DHRS11: variants seen among roughly 807,000 people sequenced by gnomAD.
DHRS11 encodes dehydrogenase/reductase 11.
Under a neutral mutation model 30.7 loss-of-function variants are expected in DHRS11, and 18 were observed. The observed-to-expected ratio is 0.59, with a 90% CI of 0.41 to 0.87. The LOEUF (loss-of-function observed/expected upper bound fraction) is 0.87, where lower values mean the gene tolerates loss of function less well. Among genes scored for constraint, DHRS11 ranks in the 40% least tolerant of loss-of-function variants. DHRS11 has a pLI of 0.00. For synonymous variants in DHRS11, 123 were observed against 139.6 expected (o/e 0.88, Z 0.84); for missense variants, 300 against 349.0 (o/e 0.86, Z 1.12).
At position 36,600,575 on chromosome 17, in the gene DHRS11, CT is replaced by C; in HGVS notation, c.*374del. 1 of 407,350 alleles carries C rather than the reference CT, an allele frequency of 2.5e-6. No homozygotes were observed. Among genetic ancestry groups the C allele is most frequent in the Non-Finnish European group, 4.5e-6 (1 of 220,870 alleles). 25.2% of individuals were successfully genotyped at this position (407,350 alleles called of 1,614,324 possible). A position where few individuals can be genotyped will look rare whatever the true frequency, so the allele number is the denominator to read the frequency against. On this transcript the variant is annotated 3_prime_UTR_variant, in exon 7 of 7. Coordinates refer to ENST00000618403, the MANE Select transcript of DHRS11 (RefSeq NM_024308.4). Reference sequence around the variant, plus strand: ...CAGGGCTGGGGTGGCAGAGGGAGGCCTTCACCTTATATCTGTGTTGTTATCC... The same window carrying C: ...CAGGGCTGGGGTGGCAGAGGGAGGCCTCACCTTATATCTGTGTTGTTATCC...
In DHRS11 at chr17:36,592,571, G is replaced by A. The variant is rs1309996505; in HGVS notation, c.147+415G>A. Among the ~76,000 whole-genome samples, 1 of 152,166 alleles carries A rather than the reference G, an allele frequency of 6.6e-6. No individual in the cohort carries two copies. Among genetic ancestry groups the A allele is most frequent in the Non-Finnish European group, 1.5e-5 (1 of 68,026 alleles). On this transcript the variant is annotated intron_variant, in intron 1 of 6. Coordinates refer to ENST00000618403, the MANE Select transcript of DHRS11 (RefSeq NM_024308.4). The surrounding 1 kb of genome is among the most constrained non-coding windows in gnomAD (Gnocchi z 4.4). ...CCAGGACTGAGGTTGGGGTTGGGGT[G>A]GGAGCTTTACTGAAGAGCCTCAGCC... is the stretch of plus-strand genomic sequence containing the variant.
At position 36,599,995 on chromosome 17, in the gene DHRS11, C is replaced by T. The variant is rs769814105; in HGVS notation, c.699C>T (p.Ala233=). ...AGTGTCTCAAACCCGAGGATGTGGC[C>T]GAGGCTGTTATCTACGTCCTCAGCA... ...QMKCLKPEDV[A]EAVIYVLSTP... is the part of the protein sequence containing the mutation. The change falls in exon 6 of 7, where the codon GCC becomes GCT. Residue 233 remains alanine, a synonymous_variant. Transcript: ENST00000618403. 4.2e-5 allele frequency: 68 copies of T among 1,613,528 alleles called. 1 individual carries two copies. The Admixed American group carries it at 5.5e-4, about 13-fold the overall frequency.
intron 2 of DHRS11, 21 bp from the exon 3 acceptor site, chr17:36,598,142 A>G: frequency 6.2e-7 from 1 of 1,613,418 alleles, no homozygotes; most frequent in African/African-American, 1.3e-5. Context: ...GAGACACCTC[A>G]TTGCCCTCCC....
chr17:36,595,321 C>G, intron 2 of DHRS11, 141 bp downstream of exon 2: 1 of 802,684 alleles, frequency 1.2e-6, no homozygotes, highest in Non-Finnish European at 2.0e-6. Flanking sequence ...CATCTTGACT[C>G]TCTCTTGGCT....
rs1349546629 is a variant in DHRS11 at position 36,600,324 on chromosome 17, T to TA, written c.*122dup. On this transcript the variant is annotated 3_prime_UTR_variant, in exon 7 of 7. Coordinates refer to ENST00000618403, the MANE Select transcript of DHRS11 (RefSeq NM_024308.4). ...TCCTGTCCACACCCCGACCAGGGGC[T>TA]AGAAAATTTGTTTGAGATTTTTATA... 5.0e-6 allele frequency: 6 copies of TA among 1,197,976 alleles called. No individual in the cohort carries two copies. The highest frequency in any genetic ancestry group is 7.1e-6 in the Non-Finnish European group (6 of 847,788). 74.2% of individuals were successfully genotyped at this position (1,197,976 alleles called of 1,614,324 possible). A position where few individuals can be genotyped will look rare whatever the true frequency, so the allele number is the denominator to read the frequency against.
chr17:36,595,177 C>T lies in DHRS11; in HGVS notation c.354C>T (p.Phe118=). The change falls in exon 2 of 7, where the codon TTC becomes TTT. Residue 118 remains phenylalanine (F), a synonymous_variant. Transcript: ENST00000618403. The part of the protein sequence containing the change: ...SGSTSGWKDM[F]NVNVLALSIC... Reference sequence around the variant, plus strand: ...GCACCAGTGGTTGGAAGGACATGTTCAATGTAAGAGCTCCAAGCCTCCATC... The same window carrying T: ...GCACCAGTGGTTGGAAGGACATGTTTAATGTAAGAGCTCCAAGCCTCCATC... 1.2e-6 allele frequency: 2 copies of T among 1,613,168 alleles called. No homozygotes were observed.
At chr17:36,598,049 T>C in intron 2 of DHRS11, 114 bp from the exon 3 acceptor site, 1 of 1,057,852 alleles carries the variant, frequency 9.5e-7, no homozygotes, top group Non-Finnish European at 1.5e-6. Flanking sequence ...CGGGGGGACC[T>C]GGACACTGTT....
chr17:36,599,700 A>C lies in DHRS11; in HGVS notation c.612A>C (p.Gln204His). 1 of 1,614,130 alleles carries C rather than the reference A, an allele frequency of 6.2e-7. No homozygotes were observed. Residue 204 changes from glutamine (Q) to histidine (H), a missense_variant, in exon 5 of 7, where the codon CAA (glutamine) becomes CAC (histidine). Gln to His is a conservative substitution (Grantham distance 24). Coordinates refer to ENST00000618403, the MANE Select transcript of DHRS11 (RefSeq NM_024308.4). ...TCTCTCCAGGTGTGGTGGAGACACA[A>C]TTCGCCTTCAAACTCCACGACAAGG... ...TCISPGVVET[Q>H]FAFKLHDKDP...
At chr17:36,597,832 G>T (rs2074823139) in intron 2 of DHRS11, 2 of 438,016 alleles carry the variant, frequency 4.6e-6, no homozygotes, top group Non-Finnish European at 8.2e-6. Context: ...TGGAATTAGA[G>T]GGTCTGTGCT....
chr17:36,599,495 A>G (rs1169362312), intron 4 of DHRS11, 176 bp from the exon 5 acceptor site: 1 of 628,224 alleles, frequency 1.6e-6, no homozygotes, highest in Non-Finnish European at 2.8e-6. Flanking sequence ...GGCTCTGTAG[A>G]TGGTAGGTAT....
chr17:36,599,899 GAGA>G, intron 5 of DHRS11, 70 bp from the exon 6 acceptor site: 1 of 1,591,348 alleles, frequency 6.3e-7, no homozygotes. Context: ...GGATGCCACA[GAGA>G]AGCTCAGTGG....
At chr17:36,598,725 A>G in intron 3 of DHRS11, 196 bp from the exon 4 acceptor site, 2 of 629,944 alleles carry the variant, frequency 3.2e-6, no homozygotes, top group Non-Finnish European at 2.7e-6. Context: ...GATGAGTTCC[A>G]GGAAAAGGAG....
At chr17:36,600,058 C>G (rs2074846169) in intron 6 of DHRS11, 21 bp downstream of exon 6, 1 of 1,613,852 alleles carries the variant, frequency 6.2e-7, no homozygotes, top group South Asian at 1.1e-5. Flanking sequence ...CCCTGACTGT[C>G]TACTCACTGG....
Position 36,595,160 on chromosome 17 carries a change from G to A in DHRS11, c.337G>A (p.Gly113Ser), listed in dbSNP as rs1339734942. The part of the protein sequence containing the change: ...PDTLLSGSTS[G>S]WKDMFNVNVL... ...CACCCTGCTCTCAGGCAGCACCAGT[G>A]GTTGGAAGGACATGTTCAATGTAAG... The change falls in exon 2 of 7, where the codon GGT becomes AGT. Residue 113 changes from glycine to serine, a missense_variant. Transcript: ENST00000618403. 2 of 1,613,612 alleles carry A rather than the reference G, an allele frequency of 1.2e-6. No homozygotes were observed. The highest frequency in any genetic ancestry group is 1.7e-6 in the Non-Finnish European group (2 of 1,180,040).
At chr17:36,597,942 G>C in intron 2 of DHRS11, 1 of 594,730 alleles carries the variant, frequency 1.7e-6, no homozygotes, top group East Asian at 2.9e-5. Context: ...GGTCAGCCAG[G>C]TGAGGAGCTA....
intron 2 of DHRS11, among the ~76,000 whole-genome samples, 198 bp downstream of exon 2, chr17:36,595,378 C>T (rs1396572672): frequency 6.9e-6 from 1 of 145,322 alleles, no homozygotes; most frequent in African/African-American, 2.5e-5. Flanking sequence ...GCCATATCAG[C>T]TCTTCTCTTC....
Position 36,599,404 on chromosome 17 carries a change from C to T in DHRS11, c.583-267C>T, listed in dbSNP as rs991916404. 9.9e-5 allele frequency: 57 copies of T among 575,382 alleles called. No homozygotes were observed. The East Asian group carries it at 1.4e-3, about 14-fold the overall frequency. 35.6% of individuals were successfully genotyped at this position (575,382 alleles called of 1,614,324 possible). On this transcript the variant is annotated intron_variant, in intron 4 of 6. Transcript: ENST00000618403. Reference sequence around the variant, plus strand: ...CGAGTCACTGAACCTCCCTAAGCCTCGGCCTTCTCACTTGTGAAAAGGAGA... The same window carrying T: ...CGAGTCACTGAACCTCCCTAAGCCTTGGCCTTCTCACTTGTGAAAAGGAGA...
chr17:36,595,781 G>A (rs2074805999), intron 2 of DHRS11, among the ~76,000 whole-genome samples: 1 of 152,092 alleles, frequency 6.6e-6, no homozygotes, highest in South Asian at 2.1e-4. Context: ...GATTGTTAGG[G>A]GAGAGAACTG....
chr17:36,597,281 G>C (rs2074818383), intron 2 of DHRS11: 1 of 165,438 alleles, frequency 6.0e-6, no homozygotes, highest in African/African-American at 2.4e-5. Flanking sequence ...TGTTCCTCAT[G>C]GCAGGCTCTG....
Sources: allele counts gnomAD v4.1 joint callset (sites outside exome capture counted in the v4.1 genomes callset), GRCh38; gene constraint gnomAD v4.1.1; non-coding constraint Gnocchi (gnomAD v3.1); transcripts MANE v1.5; gene names NCBI Gene and HGNC (gene_info 2026-07-23, HGNC 2026-07-21).